The following CPED1 variants were observed in gnomAD, a reference collection of about 807,000 sequenced individuals.
CPED1 encodes the protein cadherin like and PC-esterase domain containing 1, also known as cadherin-like and PC-esterase domain-containing protein 1.
CPED1 carries 114 observed loss-of-function variants against 128.2 expected under a neutral mutation model. That is an observed-to-expected ratio of 0.89 (90% CI 0.76 to 1.04). CPED1 has a LOEUF of 1.04. Ranked by LOEUF, CPED1 falls within the 50% of genes least tolerant of loss-of-function variation. The probability of loss-of-function intolerance (pLI) is 0.00; values close to 1 mark genes in which losing one functional copy is unlikely to be tolerated. For synonymous variants in CPED1, 462 were observed against 426.7 expected, an observed-to-expected ratio of 1.08 and a Z score of -1.02; for missense variants, 1,211 against 1,207.1, an observed-to-expected ratio of 1.00 and a Z score of -0.05.
chr7:121,118,626 C>T (rs576689016), intron 7 of CPED1, among the ~76,000 whole-genome samples: 27 of 151,160 alleles, frequency 1.8e-4, no homozygotes, highest in African/African-American at 6.3e-4. Flanking sequence ...TGCATTAGGT[C>T]ATTCTTGTGT....
intron 8 of CPED1, 67 bp downstream of exon 8, chr7:121,124,540 T>A (rs1795459272): frequency 1.6e-6 from 2 of 1,225,078 alleles, no homozygotes; most frequent in East Asian, 5.6e-5. Context: ...TTAAAAATTG[T>A]TGGTGGAAAT....
At chr7:121,110,004 T>G (rs1314814841) in intron 7 of CPED1, among the ~76,000 whole-genome samples, 1 of 152,164 alleles carries the variant, frequency 6.6e-6, no homozygotes, top group Non-Finnish European at 1.5e-5. Flanking sequence ...CAGCATTAGA[T>G]CTATAGCACT....
rs150495845 is a variant in CPED1, at chr7:121,197,633, T to TTG, written c.2056-39069_2056-39068dup. ...AGTCGAGTGTGTGTATATGGGTGTG[T>TTG]TGTGTGTGTGTGTTTGTGCATGCGC... is the stretch of plus-strand genomic sequence containing the variant. On this transcript the variant is annotated intron_variant, in intron 16 of 22. Coordinates refer to ENST00000310396, the MANE Select transcript of CPED1 (RefSeq NM_024913.5). Among the ~76,000 whole-genome samples, 219 of 151,838 alleles carry TTG rather than the reference T, an allele frequency of 1.4e-3. 2 individuals carry two copies. The highest frequency in any genetic ancestry group is 5.0e-3 in the African/African-American group (208 of 41,454).
chr7:121,068,641 A>G (rs1793914648), intron 5 of CPED1, among the ~76,000 whole-genome samples: 1 of 149,282 alleles, frequency 6.7e-6, no homozygotes. Flanking sequence ...GTTTTTTCCA[A>G]TTCTTTGAAG....
intron 3 of CPED1, among the ~76,000 whole-genome samples, chr7:121,018,344 A>G (rs1355926583): frequency 6.6e-6 from 1 of 152,170 alleles, no homozygotes; most frequent in Non-Finnish European, 1.5e-5. Context: ...TCACATATTC[A>G]TCTCATGGTT....
At chr7:121,218,712 A>G (rs1314834880) in intron 16 of CPED1, among the ~76,000 whole-genome samples, 2 of 151,946 alleles carry the variant, frequency 1.3e-5, no homozygotes. Flanking sequence ...GTCAGGGGAC[A>G]TGGGGCTAGG....
intron 16 of CPED1, among the ~76,000 whole-genome samples, chr7:121,155,484 A>G (rs1796264490): frequency 6.6e-6 from 1 of 152,244 alleles, no homozygotes; most frequent in African/African-American, 2.4e-5. Flanking sequence ...AGTAACAAGA[A>G]CATCATAGTA....
intron 16 of CPED1, among the ~76,000 whole-genome samples, chr7:121,147,568 C>G (rs1796053140): frequency 6.6e-6 from 1 of 151,972 alleles, no homozygotes; most frequent in Admixed American, 6.6e-5. Context: ...ATACCCCTTT[C>G]CATATCAAAA....
chr7:121,229,257 T>C (rs1798084614), intron 16 of CPED1, among the ~76,000 whole-genome samples: 1 of 152,064 alleles, frequency 6.6e-6, no homozygotes, highest in Non-Finnish European at 1.5e-5. Flanking sequence ...AATATGATAT[T>C]TTTAAAAGAA....
chr7:121,025,959 GTATC>G (rs2116843825), intron 3 of CPED1, among the ~76,000 whole-genome samples: 1 of 152,228 alleles, frequency 6.6e-6, no homozygotes, highest in East Asian at 1.9e-4. Flanking sequence ...TATCCCGGCA[GTATC>G]TATCATTCTT....
intron 5 of CPED1, among the ~76,000 whole-genome samples, chr7:121,065,303 T>C (rs1253312246): frequency 6.6e-6 from 1 of 152,236 alleles, no homozygotes; most frequent in Non-Finnish European, 1.5e-5. Flanking sequence ...TCTGTAGTTA[T>C]TGTTTTATAT....
intron 18 of CPED1, among the ~76,000 whole-genome samples, 177 bp from the exon 19 acceptor site, chr7:121,266,050 G>A (rs886479844): frequency 7.2e-5 from 11 of 152,104 alleles, no homozygotes; most frequent in African/African-American, 2.4e-4. Context: ...ATATGGAAGA[G>A]ATGAAAAGGA....
At chr7:120,990,854 C>A (rs1413930694) in intron 2 of CPED1, among the ~76,000 whole-genome samples, 1 of 152,182 alleles carries the variant, frequency 6.6e-6, no homozygotes, top group African/African-American at 2.4e-5. Context: ...ACCAAAACCT[C>A]CACGATTGAC....
intron 16 of CPED1, among the ~76,000 whole-genome samples, chr7:121,221,126 C>T (rs1797866021): frequency 6.6e-6 from 1 of 151,868 alleles, no homozygotes; most frequent in African/African-American, 2.4e-5. Flanking sequence ...AGTCCCCCAC[C>T]CGACAGGCCC....
At chr7:121,036,607 G>T (rs552521589) in intron 3 of CPED1, among the ~76,000 whole-genome samples, 75 of 151,644 alleles carry the variant, frequency 4.9e-4, no homozygotes, top group African/African-American at 1.8e-3. Context: ...ACATGCTTGT[G>T]TAAGTATCTT....
chr7:121,067,831 T>C (rs1236691136), intron 5 of CPED1, among the ~76,000 whole-genome samples: 5 of 152,176 alleles, frequency 3.3e-5, no homozygotes, highest in Non-Finnish European at 5.9e-5. Flanking sequence ...TGGTATCTCA[T>C]TGTGGTTTTG....
intron 16 of CPED1, among the ~76,000 whole-genome samples, chr7:121,178,384 T>C (rs545874898): frequency 2.0e-5 from 3 of 152,094 alleles, no homozygotes; most frequent in Non-Finnish European, 2.9e-5. Flanking sequence ...ATTATACACA[T>C]GCGTATTTTT....
At chr7:121,032,448 T>G (rs1371082900) in intron 3 of CPED1, among the ~76,000 whole-genome samples, 1 of 146,284 alleles carries the variant, frequency 6.8e-6, no homozygotes, top group Non-Finnish European at 1.5e-5. Context: ...AACAGAAAAC[T>G]AAACACTGCG....
chr7:121,060,430 A>G (rs373347457), intron 4 of CPED1, among the ~76,000 whole-genome samples: 1 of 152,230 alleles, frequency 6.6e-6, no homozygotes, highest in African/African-American at 2.4e-5. Flanking sequence ...GAGAATCTTC[A>G]TGTCTAGCTC....
Sources: gnomAD v4.1 joint callset for allele counts (sites outside exome capture counted in the v4.1 genomes callset) on GRCh38, gnomAD v4.1.1 for gene constraint, MANE v1.5 for transcripts, NCBI Gene and HGNC (gene_info 2026-07-23, HGNC 2026-07-21) for gene names.